SLC6A4: variants seen among roughly 807,000 people sequenced by gnomAD.
SLC6A4 encodes sodium-dependent serotonin transporter.
A neutral mutation model predicts 73.4 loss-of-function variants in SLC6A4; 22 were observed. That is an observed-to-expected ratio of 0.30 (90% CI 0.21 to 0.43). SLC6A4 has a LOEUF of 0.43. Among genes scored for constraint, SLC6A4 ranks in the 20% least tolerant of loss-of-function variants. SLC6A4 has a pLI of 1.00. For synonymous variants in SLC6A4, 270 were observed against 315.5 expected (o/e 0.86, Z 1.53); for missense variants, 593 against 808.5 (o/e 0.73, Z 3.23).
chr17:30,222,095 A>AATCCTT lies in SLC6A4; in HGVS notation c.-123-15_-123-14insAAGGAT, dbSNP rs774621054. On this transcript the variant is annotated splice_polypyrimidine_tract_variant and intron_variant, in intron 2 of 14. Transcript: ENST00000650711. The stretch of plus-strand genomic sequence containing the variant: ...TCGGGATTGACTCTGTTGGAAAGAC[A>AATCCTT]CACAGAGGAAGGAGAAAAAAGTTAG... 141 of 1,530,970 alleles carry AATCCTT rather than the reference A, an allele frequency of 9.2e-5. No individual in the cohort carries two copies. The highest frequency in any genetic ancestry group is 1.2e-4 in the Non-Finnish European group (136 of 1,129,622). The allele number at this position is 1,530,970 out of a possible 1,614,324, so 94.8% of individuals were successfully genotyped here. A position where few individuals can be genotyped will look rare whatever the true frequency, so the allele number is the denominator to read the frequency against.
At position 30,222,042 on chromosome 17, in the gene SLC6A4, C is replaced by T. The variant is rs774500706; in HGVS notation, c.-84G>A. The T allele has an allele frequency of 4.4e-6, 7 of 1,602,350 alleles. No individual in the cohort carries two copies. Among genetic ancestry groups the T allele is most frequent in the Non-Finnish European group, 3.4e-6 (4 of 1,174,762 alleles). On this transcript the variant is annotated 5_prime_UTR_variant, in exon 3 of 15. Coordinates refer to ENST00000650711, the MANE Select transcript of SLC6A4 (RefSeq NM_001045.6). ...GGTGCTTGGATTTGTGGATCACCTC[C>T]GAGCTCTCTATCGTCGGGATTGACA... is the stretch of plus-strand genomic sequence containing the variant.
intron 1 of SLC6A4, among the ~76,000 whole-genome samples, chr17:30,231,944 C>T (rs1230941606): frequency 6.6e-6 from 1 of 152,148 alleles, no homozygotes; most frequent in Non-Finnish European, 1.5e-5. Flanking sequence ...AAGTTCTAGG[C>T]CTGGCTTTGT....
At chr17:30,234,129 G>C (rs1346367606) in intron 1 of SLC6A4, among the ~76,000 whole-genome samples, 1 of 151,792 alleles carries the variant, frequency 6.6e-6, no homozygotes, top group Non-Finnish European at 1.5e-5. Context: ...CCCCCGAGAG[G>C]AATTTCTGAG....
At chr17:30,212,963 G>T in intron 8 of SLC6A4, 96 bp from the exon 9 acceptor site, 2 of 1,356,604 alleles carry the variant, frequency 1.5e-6, no homozygotes, top group East Asian at 2.5e-5. Flanking sequence ...TAGACAGGGC[G>T]GCCACAGCAA....
chr17:30,209,315 G>T, intron 11 of SLC6A4, 73 bp from the exon 12 acceptor site: 2 of 912,480 alleles, frequency 2.2e-6, no homozygotes, highest in Non-Finnish European at 1.8e-6. Flanking sequence ...GACCTGCAGG[G>T]GCTTCCTCAC....
In SLC6A4 at chr17:30,195,673, T is replaced by C. The variant is rs1364346815; in HGVS notation, c.*2783A>G. 1.3e-5 allele frequency: 2 copies of C among 152,092 alleles called. No individual in the cohort carries two copies. Among genetic ancestry groups the C allele is most frequent in the Admixed American group, 6.6e-5 (1 of 15,266 alleles). The allele number at this position is 152,092 out of a possible 1,614,324, so 9.4% of individuals were successfully genotyped here. Reference sequence around the variant, plus strand: ...TCCCCAGGTTTGTCTCTGCCTCTAATGGCATTATCTGACCTTTAAAATATT... The same window carrying C: ...TCCCCAGGTTTGTCTCTGCCTCTAACGGCATTATCTGACCTTTAAAATATT... On this transcript the variant is annotated 3_prime_UTR_variant, in exon 15 of 15. Coordinates refer to ENST00000650711, the MANE Select transcript of SLC6A4 (RefSeq NM_001045.6).
chr17:30,232,939 C>T (rs1941994235), intron 1 of SLC6A4, among the ~76,000 whole-genome samples: 1 of 152,148 alleles, frequency 6.6e-6, no homozygotes, highest in Non-Finnish European at 1.5e-5. Context: ...TGGTGGAGCC[C>T]GTGCCCACCT....
intron 1 of SLC6A4, among the ~76,000 whole-genome samples, chr17:30,231,526 T>C (rs1474441049): frequency 6.6e-6 from 1 of 151,710 alleles, no homozygotes; most frequent in Non-Finnish European, 1.5e-5. Context: ...ATAAATGGCA[T>C]AATTATATTA....
Position 30,222,085 on chromosome 17 carries a change from T to C in SLC6A4, c.-123-4A>G. 6.4e-7 allele frequency: 1 copy of C among 1,555,080 alleles called. No homozygotes were observed. The highest frequency in any genetic ancestry group is 8.7e-7 in the Non-Finnish European group (1 of 1,147,624). ...GATTGACACGTCGGGATTGACTCTGTTGGAAAGACACACAGAGGAAGGAGA... is the reference window on the plus strand; with the variant it reads ...GATTGACACGTCGGGATTGACTCTGCTGGAAAGACACACAGAGGAAGGAGA... On this transcript the variant is annotated splice_polypyrimidine_tract_variant and splice_region_variant and intron_variant, in intron 2 of 14. Transcript: ENST00000650711.
intron 13 of SLC6A4, among the ~76,000 whole-genome samples, chr17:30,205,363 G>C (rs968880173): frequency 1.3e-5 from 2 of 152,042 alleles, no homozygotes; most frequent in African/African-American, 4.8e-5. Context: ...ACATCTTTCT[G>C]CCCTCAAGGA....
intron 13 of SLC6A4, 117 bp downstream of exon 13, chr17:30,207,615 C>T (rs1031483231): frequency 2.9e-6 from 2 of 680,178 alleles, no homozygotes; most frequent in African/African-American, 3.6e-5. Context: ...CCTCAGACTC[C>T]CAAAGTGTTG....
At chr17:30,214,623 T>C (rs532559810) in intron 8 of SLC6A4, among the ~76,000 whole-genome samples, 1 of 149,292 alleles carries the variant, frequency 6.7e-6, no homozygotes, top group Non-Finnish European at 1.5e-5. Flanking sequence ...GCAATTTCTC[T>C]TTCTTTCTTT....
intron 7 of SLC6A4, 97 bp from the exon 8 acceptor site, chr17:30,215,811 T>A: frequency 9.4e-7 from 1 of 1,066,022 alleles, no homozygotes; most frequent in Non-Finnish European, 1.4e-6. Flanking sequence ...TGTGGCTAAG[T>A]GCAGAGGCAG....
chr17:30,234,207 T>A (rs573405178), intron 1 of SLC6A4, among the ~76,000 whole-genome samples: 302 of 152,240 alleles, frequency 2.0e-3, no homozygotes, highest in African/African-American at 6.9e-3. Context: ...ATATATTTCT[T>A]AAACAAGGAG....
chr17:30,198,811 G>T (rs1329509366), intron 14 of SLC6A4, among the ~76,000 whole-genome samples: 1 of 152,148 alleles, frequency 6.6e-6, no homozygotes, highest in Non-Finnish European at 1.5e-5. Context: ...CAGAATCTCT[G>T]CTGGCCAATA....
At chr17:30,231,026 G>C (rs998863501) in intron 1 of SLC6A4, among the ~76,000 whole-genome samples, 16 of 152,140 alleles carry the variant, frequency 1.1e-4, no homozygotes, top group African/African-American at 3.9e-4. Context: ...CTGACCCCTA[G>C]TTTACAGTCT....
intron 13 of SLC6A4, 58 bp from the exon 14 acceptor site, chr17:30,203,397 A>T: frequency 2.2e-6 from 3 of 1,388,682 alleles, no homozygotes; most frequent in Non-Finnish European, 3.0e-6. Flanking sequence ...TCAGATAGAG[A>T]TGTTTCCGAT....
intron 6 of SLC6A4, among the ~76,000 whole-genome samples, chr17:30,216,851 G>T (rs1354760722): frequency 4.1e-4 from 27 of 65,118 alleles, no homozygotes; most frequent in South Asian, 7.7e-4. Flanking sequence ...TTTTTTGTTT[G>T]TTTGTTTGTT....
chr17:30,204,847 C>T (rs1035604989), intron 13 of SLC6A4, among the ~76,000 whole-genome samples: 10 of 151,850 alleles, frequency 6.6e-5, no homozygotes, highest in Non-Finnish European at 1.2e-4. Flanking sequence ...ATGAGTAGTG[C>T]GCCCACATCC....
Sources: allele counts gnomAD v4.1 joint callset (sites outside exome capture counted in the v4.1 genomes callset), GRCh38; gene constraint gnomAD v4.1.1; transcripts MANE v1.5; gene names NCBI Gene and HGNC (gene_info 2026-07-23, HGNC 2026-07-21).